NIPSNAP1: variants seen among roughly 807,000 people sequenced by gnomAD.
The protein encoded by NIPSNAP1 is protein NipSnap homolog 1.
Under a neutral mutation model 49.2 loss-of-function variants are expected in NIPSNAP1, and 25 were observed. The observed-to-expected ratio is 0.51, with a 90% CI of 0.37 to 0.71. The LOEUF is 0.71. NIPSNAP1 is among the 30% of genes least tolerant of loss of function. The pLI is 0.00. For missense variants in NIPSNAP1, 294 were observed against 361.0 expected (o/e 0.81, Z 1.50); for synonymous variants, 143 against 140.7 (o/e 1.02, Z -0.12).
chr22:29,570,176 G>A lies in NIPSNAP1; in HGVS notation c.258C>T (p.Ala86=), dbSNP rs1472289368. 1.2e-6 allele frequency: 2 copies of A among 1,613,962 alleles called. No homozygotes were observed. Among genetic ancestry groups the A allele is most frequent in the African/African-American group, 1.3e-5 (1 of 74,976 alleles). Reference sequence around the variant, plus strand: ...AGGGTGCTCACGTGAGGCTGTTGTAGGCATCCAGGTATTCAGGCTTTACAT... The same window carrying A: ...AGGGTGCTCACGTGAGGCTGTTGTAAGCATCCAGGTATTCAGGCTTTACAT... The part of the protein sequence containing the change: ...FHNVKPEYLD[A]YNSLTEAVLP... Residue 86 remains alanine (A), a synonymous_variant, in exon 3 of 10, where the codon GCC becomes GCT. Coordinates refer to ENST00000216121, the MANE Select transcript of NIPSNAP1 (RefSeq NM_003634.4).
chr22:29,565,855 C>T (rs992089397), intron 4 of NIPSNAP1, among the ~76,000 whole-genome samples: 2 of 152,152 alleles, frequency 1.3e-5, no homozygotes, highest in African/African-American at 2.4e-5. Flanking sequence ...ATGTCTGTTA[C>T]GGAAACCAAA....
At chr22:29,558,761 G>T in intron 9 of NIPSNAP1, 109 bp downstream of exon 9, 1 of 853,740 alleles carries the variant, frequency 1.2e-6, no homozygotes, top group Non-Finnish European at 2.0e-6. Flanking sequence ...TGTCTTAAAA[G>T]TGAGTTCCCC....
chr22:29,569,252 T>C lies in NIPSNAP1; in HGVS notation c.308A>G (p.Asp103Gly). 1.2e-6 allele frequency: 2 copies of C among 1,613,974 alleles called. No homozygotes were observed. ...AVLPKLHLDEDYPCSLVGNWN... is the reference protein window; with the variant it reads ...AVLPKLHLDEGYPCSLVGNWN... Reference sequence around the variant, plus strand: ...GTTGCCCACGAGTGAGCATGGGTAGTCCTCATCCAGGTGAAGCTTGGGCAG... The same window carrying C: ...GTTGCCCACGAGTGAGCATGGGTAGCCCTCATCCAGGTGAAGCTTGGGCAG... The change falls in exon 4 of 10, where the codon GAC (aspartate) becomes GGC (glycine). Residue 103 changes from aspartate (D) to glycine (G), a missense_variant. Transcript: ENST00000216121.
intron 7 of NIPSNAP1, 55 bp downstream of exon 7, chr22:29,561,116 G>A (rs900457067): frequency 5.2e-6 from 8 of 1,547,030 alleles, no homozygotes; most frequent in Admixed American, 1.7e-5. Context: ...GGCCTTGGTG[G>A]GGCAGGTGAG....
Position 29,561,466 on chromosome 22 carries a change from G to C in NIPSNAP1, c.579+40C>G, listed in dbSNP as rs750712904. ...AGCTGCAAAGCAGCATTGCAGCAGGGAAATTGGGGGGCAGGAGGGGGTCTG... is the reference window on the plus strand; with the variant it reads ...AGCTGCAAAGCAGCATTGCAGCAGGCAAATTGGGGGGCAGGAGGGGGTCTG... On this transcript the variant is annotated intron_variant, in intron 6 of 9. Transcript: ENST00000216121. The C allele has an allele frequency of 4.3e-5, 69 of 1,613,218 alleles. No homozygotes were observed. The Middle Eastern group carries it at 9.9e-4, about 23-fold the overall frequency.
At chr22:29,561,678 A>G (rs370460779) in intron 5 of NIPSNAP1, 32 bp from the exon 6 acceptor site, 1 of 1,614,034 alleles carries the variant, frequency 6.2e-7, no homozygotes, top group African/African-American at 1.3e-5. Context: ...CATGGCTACC[A>G]GGAAGTGCGC....
At chr22:29,559,459 C>T (rs902646264) in intron 8 of NIPSNAP1, among the ~76,000 whole-genome samples, 18 of 152,006 alleles carry the variant, frequency 1.2e-4, no homozygotes, top group Non-Finnish European at 2.2e-4. Flanking sequence ...ATCACTTGAA[C>T]TTGGGAAGCG....
At position 29,580,784 on chromosome 22, in the gene NIPSNAP1, A is replaced by G. The variant is rs2064491919; in HGVS notation, c.98+201T>C. 7.2e-5 allele frequency among the ~76,000 whole-genome samples: 11 copies of G among 151,856 alleles called. No homozygotes were observed. The South Asian group carries it at 2.3e-3, about 32-fold the overall frequency. ...AGGTCCCCATCACAGCCCGGTCCCAACCAGGACAAAGACCCTACCCATCCC... is the reference window on the plus strand; with the variant it reads ...AGGTCCCCATCACAGCCCGGTCCCAGCCAGGACAAAGACCCTACCCATCCC... On this transcript the variant is annotated intron_variant, in intron 1 of 9. Coordinates refer to ENST00000216121, the MANE Select transcript of NIPSNAP1 (RefSeq NM_003634.4).
At chr22:29,572,302 C>CAAAAAA (rs695769) in intron 1 of NIPSNAP1, among the ~76,000 whole-genome samples, 2 of 71,094 alleles carry the variant, frequency 2.8e-5, no homozygotes, top group Non-Finnish European at 5.8e-5. Context: ...GAATCCATCT[C>CAAAAAA]AAAAAAAAAA....
chr22:29,555,333 T>C lies in NIPSNAP1; in HGVS notation c.*602A>G, dbSNP rs565768950. The C allele has an allele frequency of 5.2e-3, 797 of 153,444 alleles. 6 individuals carry two copies. The highest frequency in any genetic ancestry group is 0.027 in the Middle Eastern group (8 of 294). 9.5% of individuals were successfully genotyped at this position (153,444 alleles called of 1,614,324 possible). A position where few individuals can be genotyped will look rare whatever the true frequency, so the allele number is the denominator to read the frequency against. On this transcript the variant is annotated 3_prime_UTR_variant, in exon 10 of 10. Coordinates refer to ENST00000216121, the MANE Select transcript of NIPSNAP1 (RefSeq NM_003634.4). ...TGTCTGTCTCCTGCCCCTAAATCTT[T>C]CCTGGCTCCCATCCCTTTCCCCAGC... is the stretch of plus-strand genomic sequence containing the variant.
intron 4 of NIPSNAP1, chr22:29,564,343 G>T (rs1422612879): frequency 2.1e-6 from 1 of 471,072 alleles, no homozygotes; most frequent in Admixed American, 2.3e-5. Context: ...GTACTGTATG[G>T]ATAGAAATCT....
rs1040088028 is a variant in NIPSNAP1 at position 29,569,091 on chromosome 22, C to G, written c.367+102G>C. ...GATGAGGTTTTAGTAAGAGCCCCAC[C>G]AGGTGCTGTTGTGGAGAGGGAGTGG... On this transcript the variant is annotated intron_variant, in intron 4 of 9. Coordinates refer to ENST00000216121, the MANE Select transcript of NIPSNAP1 (RefSeq NM_003634.4). 66 of 864,088 alleles carry G rather than the reference C, an allele frequency of 7.6e-5. 1 individual carries two copies. In the Middle Eastern group the frequency reaches 9.5e-4, roughly 12 times the overall value. 53.5% of individuals were successfully genotyped at this position (864,088 alleles called of 1,614,324 possible). A position where few individuals can be genotyped will look rare whatever the true frequency, so the allele number is the denominator to read the frequency against.
In NIPSNAP1 at chr22:29,570,200, A is replaced by G. The variant is rs779325415; in HGVS notation, c.234T>C (p.Asn78=). ...AGGCATCCAGGTATTCAGGCTTTAC[A>G]TTGTGAACTGCAACAGAGGACAGAG... The part of the protein sequence containing the change: ...TSNLYKIQFH[N]VKPEYLDAYN... Residue 78 remains asparagine, a synonymous_variant, in exon 3 of 10, where the codon AAT becomes AAC. Coordinates refer to ENST00000216121, the MANE Select transcript of NIPSNAP1 (RefSeq NM_003634.4). The G allele has an allele frequency of 1.6e-5, 26 of 1,613,894 alleles. No individual in the cohort carries two copies. Among genetic ancestry groups the G allele is most frequent in the East Asian group, 1.1e-4 (5 of 44,874 alleles).
chr22:29,561,652 G>C lies in NIPSNAP1; in HGVS notation c.439-6C>G. On this transcript the variant is annotated splice_polypyrimidine_tract_variant and splice_region_variant and intron_variant, in intron 5 of 9. Coordinates refer to ENST00000216121, the MANE Select transcript of NIPSNAP1 (RefSeq NM_003634.4). The stretch of plus-strand genomic sequence containing the variant: ...CTTCGGAACTCCAGGTACTCCTGTG[G>C]GCATGGTGGTAAAGGCATGGCTACC... 6.2e-7 allele frequency: 1 copy of C among 1,614,060 alleles called. No homozygotes were observed. The highest frequency in any genetic ancestry group is 8.5e-7 in the Non-Finnish European group (1 of 1,180,032).
chr22:29,577,177 C>A (rs1273767524), intron 1 of NIPSNAP1, among the ~76,000 whole-genome samples: 1 of 151,082 alleles, frequency 6.6e-6, no homozygotes, highest in South Asian at 2.1e-4. Context: ...CATCCTCTAT[C>A]TCCCAGACTC....
intron 1 of NIPSNAP1, among the ~76,000 whole-genome samples, chr22:29,572,378 C>T (rs1281095822): frequency 6.6e-6 from 1 of 151,082 alleles, no homozygotes; most frequent in Non-Finnish European, 1.5e-5. Context: ...TATGGAGCAG[C>T]CATTGGGACG....
At chr22:29,570,316 T>A in intron 2 of NIPSNAP1, 89 bp downstream of exon 2, 1 of 1,609,442 alleles carries the variant, frequency 6.2e-7, no homozygotes, top group Non-Finnish European at 8.5e-7. Context: ...GCTGAGGACA[T>A]TCCAGACCCT....
At chr22:29,568,173 T>C (rs2064380418) in intron 4 of NIPSNAP1, among the ~76,000 whole-genome samples, 1 of 77,994 alleles carries the variant, frequency 1.3e-5, no homozygotes, top group African/African-American at 6.2e-5. Flanking sequence ...AGCAAGACCC[T>C]GTCTCAAAAA....
intron 9 of NIPSNAP1, among the ~76,000 whole-genome samples, chr22:29,557,049 G>A (rs932113763): frequency 2.0e-5 from 3 of 152,032 alleles, no homozygotes; most frequent in South Asian, 2.1e-4. Context: ...GCGCCCAGCC[G>A]AGATTTGTCA....
Sources: allele counts gnomAD v4.1 joint callset (sites outside exome capture counted in the v4.1 genomes callset), GRCh38; gene constraint gnomAD v4.1.1; transcripts MANE v1.5; gene names NCBI Gene and HGNC (gene_info 2026-07-23, HGNC 2026-07-21).